Variants in KIF13B observed in about 807,000 individuals in gnomAD.
The protein encoded by KIF13B is kinesin-like protein KIF13B.
In KIF13B, 127 loss-of-function variants were observed where a neutral mutation model predicts 222.0. The observed-to-expected ratio is 0.57, with a 90% CI of 0.50 to 0.66. The LOEUF is 0.66. KIF13B is among the 30% of genes least tolerant of loss of function. The probability of loss-of-function intolerance (pLI) is 0.00; values close to 1 mark genes in which losing one functional copy is unlikely to be tolerated. For synonymous variants in KIF13B, 976 were observed against 919.0 expected (o/e 1.06, Z -1.12); for missense variants, 2,173 against 2,379.0 (o/e 0.91, Z 1.80).
intron 10 of KIF13B, among the ~76,000 whole-genome samples, chr8:29,172,917 GCT>G (rs893663584): frequency 6.7e-6 from 1 of 148,300 alleles, no homozygotes; most frequent in African/African-American, 2.5e-5. Flanking sequence ...GTTTTTTGGT[GCT>G]TTTTTTTTTT....
chr8:29,212,082 T>C (rs980794595), intron 2 of KIF13B, among the ~76,000 whole-genome samples: 3 of 152,220 alleles, frequency 2.0e-5, no homozygotes, highest in African/African-American at 7.2e-5. Context: ...CATTTACCAG[T>C]TGATAGGCAT....
chr8:29,205,328 T>C (rs1191673164), intron 2 of KIF13B, among the ~76,000 whole-genome samples: 2 of 152,214 alleles, frequency 1.3e-5, no homozygotes, highest in African/African-American at 2.4e-5. Context: ...GACTTGGAAA[T>C]GCTAGGCTTA....
intron 36 of KIF13B, among the ~76,000 whole-genome samples, chr8:29,095,628 G>T (rs187736057): frequency 6.6e-6 from 1 of 152,074 alleles, no homozygotes; most frequent in Non-Finnish European, 1.5e-5. Flanking sequence ...TTGGCCAGGC[G>T]TGGTGGCACA....
chr8:29,256,043 C>G (rs1176553969), intron 1 of KIF13B, among the ~76,000 whole-genome samples: 1 of 152,210 alleles, frequency 6.6e-6, no homozygotes, highest in East Asian at 1.9e-4. Context: ...TTCACAATGG[C>G]CTTCTGGATC....
In KIF13B at chr8:29,105,650, G is replaced by GTTTTTTT. The variant is rs869030059; in HGVS notation, c.4215+2482_4215+2488dup. On this transcript the variant is annotated intron_variant, in intron 35 of 39. Coordinates refer to ENST00000524189, the MANE Select transcript of KIF13B (RefSeq NM_015254.4). ...AAGGAAACTGGGCAGAGTTTGTTTG[G>GTTTTTTT]TTTTTTTTTTTTTTTTTTTTTTTTT... Among the ~76,000 whole-genome samples the GTTTTTTT allele has an allele frequency of 1.2e-3, 96 of 78,070 alleles. 23 individuals carry two copies. The highest frequency in any genetic ancestry group is 4.8e-3 in the African/African-American group (86 of 17,928). 51.2% of individuals were successfully genotyped at this position (78,070 alleles called of 152,430 possible).
At chr8:29,195,529 G>A (rs1274616437) in intron 3 of KIF13B, among the ~76,000 whole-genome samples, 1 of 152,028 alleles carries the variant, frequency 6.6e-6, no homozygotes, top group East Asian at 1.9e-4. Flanking sequence ...ATTCAGCCAC[G>A]GACTGTAAAG....
intron 1 of KIF13B, chr8:29,249,997 T>C (rs1816209783): frequency 7.8e-7 from 1 of 1,285,556 alleles, no homozygotes; most frequent in East Asian, 5.6e-5. Flanking sequence ...CTTCACTTCC[T>C]CAGGCCCAGA....
chr8:29,249,580 TG>T (rs1183356968), intron 1 of KIF13B, among the ~76,000 whole-genome samples: 1 of 152,190 alleles, frequency 6.6e-6, no homozygotes, highest in Non-Finnish European at 1.5e-5. Context: ...GAAAGGTAAT[TG>T]TTTTTTTCAC....
At chr8:29,205,817 T>C (rs1350523143) in intron 2 of KIF13B, among the ~76,000 whole-genome samples, 4 of 152,104 alleles carry the variant, frequency 2.6e-5, no homozygotes, top group African/African-American at 9.6e-5. Context: ...GCGTGGTGGC[T>C]CACACCTGTA....
At chr8:29,239,350 C>T (rs1192461636) in intron 2 of KIF13B, among the ~76,000 whole-genome samples, 1 of 152,214 alleles carries the variant, frequency 6.6e-6, no homozygotes, top group African/African-American at 2.4e-5. Flanking sequence ...ATTTTCACTG[C>T]ACACTTCCTT....
chr8:29,167,485 C>A lies in KIF13B; in HGVS notation c.1046G>T (p.Arg349Leu). The change falls in exon 11 of 40, where the codon CGA becomes CTA. Residue 349 changes from arginine to leucine, a missense_variant. By Grantham distance (102) the Arg-to-Leu change is moderately radical (BLOSUM62 -2). Transcript: ENST00000524189. ...ETLSTLRYADRAKHIVNHAVV... is the reference protein window; with the variant it reads ...ETLSTLRYADLAKHIVNHAVV... ...AGCGTGGTTTACAATGTGCTTGGCT[C>A]GATCTGCATACCGCAGAGTTGAGAG... 1 of 1,613,956 alleles carries A rather than the reference C, an allele frequency of 6.2e-7. No homozygotes were observed. Among genetic ancestry groups the A allele is most frequent in the Non-Finnish European group, 8.5e-7 (1 of 1,179,846 alleles).
chr8:29,188,603 T>C lies in KIF13B; in HGVS notation c.228A>G (p.Gln76=), dbSNP rs758134976. ...DESVKEKYAG[Q]DIVFKCLGEN... is the part of the protein sequence containing the mutation. ...CTCCAAGGCACTTGAAAACAATATCTTGACCTGAGAGAGAGAGAATAAGAG... is the reference window on the plus strand; with the variant it reads ...CTCCAAGGCACTTGAAAACAATATCCTGACCTGAGAGAGAGAGAATAAGAG... The change falls in exon 5 of 40, where the codon CAA becomes CAG. Residue 76 remains glutamine, a synonymous_variant. Transcript: ENST00000524189. 2.2e-5 allele frequency: 36 copies of C among 1,601,806 alleles called. No homozygotes were observed. Among genetic ancestry groups the C allele is most frequent in the Non-Finnish European group, 3.0e-5 (35 of 1,170,352 alleles).
Position 29,097,261 on chromosome 8 carries a change from TATAACAATCTTAA to T in KIF13B, c.4324+1859_4324+1871del, listed in dbSNP as rs1808575402. On this transcript the variant is annotated intron_variant, in intron 36 of 39. Transcript: ENST00000524189. ...ATGATAGGCCACTCTATCAGGAAGA[TATAACAATCTTAA>T]ATGTGTTATATCAGGAAGATATAAC... is the stretch of plus-strand genomic sequence containing the variant. Among the ~76,000 whole-genome samples, 4 of 109,834 alleles carry T rather than the reference TATAACAATCTTAA, an allele frequency of 3.6e-5. No individual in the cohort carries two copies. The South Asian group carries it at 1.0e-3, about 28-fold the overall frequency. The allele number at this position is 109,834 out of a possible 152,430, so 72.1% of individuals were successfully genotyped here. A position where few individuals can be genotyped will look rare whatever the true frequency, so the allele number is the denominator to read the frequency against.
At chr8:29,224,804 T>C (rs1295472403) in intron 2 of KIF13B, among the ~76,000 whole-genome samples, 1 of 152,362 alleles carries the variant, frequency 6.6e-6, no homozygotes, top group East Asian at 1.9e-4. Context: ...GTTATTCCTA[T>C]GTGTGGATTA....
intron 13 of KIF13B, among the ~76,000 whole-genome samples, chr8:29,158,187 C>A (rs1309451761): frequency 6.6e-6 from 1 of 152,168 alleles, no homozygotes; most frequent in African/African-American, 2.4e-5. Context: ...TTGGAAAAAG[C>A]CACTGTCATC....
chr8:29,109,741 A>G lies in KIF13B; in HGVS notation c.4083+177T>C, dbSNP rs569367328. 9.4e-3 allele frequency among the ~76,000 whole-genome samples: 1,432 copies of G among 152,350 alleles called. 24 individuals carry two copies. Among genetic ancestry groups the G allele is most frequent in the African/African-American group, 0.033 (1,358 of 41,576 alleles). On this transcript the variant is annotated intron_variant, in intron 33 of 39. Transcript: ENST00000524189. ...TAAACAGACTTTTAAAATTAAATAA[A>G]GGCTGTTACTTTGTAAGACAGAATG...
chr8:29,219,654 G>T (rs1249565685), intron 2 of KIF13B, among the ~76,000 whole-genome samples: 1 of 152,034 alleles, frequency 6.6e-6, no homozygotes, highest in Non-Finnish European at 1.5e-5. Context: ...TCGGGAGGCT[G>T]CGGTGAGAAA....
At chr8:29,183,128 CTTT>C (rs1563767266) in intron 6 of KIF13B, among the ~76,000 whole-genome samples, 1 of 140,086 alleles carries the variant, frequency 7.1e-6, no homozygotes, top group African/African-American at 2.6e-5. Context: ...TACACAAAAT[CTTT>C]TTTAAAATAA....
Position 29,068,803 on chromosome 8 carries a change from G to A in KIF13B, c.*1701C>T, listed in dbSNP as rs1412743824. The A allele has an allele frequency of 1.3e-5, 2 of 152,366 alleles. No homozygotes were observed. The highest frequency in any genetic ancestry group is 2.9e-5 in the Non-Finnish European group (2 of 68,158). 9.4% of individuals were successfully genotyped at this position (152,366 alleles called of 1,614,324 possible). Reference sequence around the variant, plus strand: ...AAAGAAAGCCGCTGTGCTGGGAAGCGGGTTGAGTTAAAGGGCAAGGCAGAG... The same window carrying A: ...AAAGAAAGCCGCTGTGCTGGGAAGCAGGTTGAGTTAAAGGGCAAGGCAGAG... On this transcript the variant is annotated 3_prime_UTR_variant, in exon 40 of 40. Coordinates refer to ENST00000524189, the MANE Select transcript of KIF13B (RefSeq NM_015254.4). The surrounding 1 kb of genome is among the most constrained non-coding windows in gnomAD (Gnocchi z 4.4).
Sources: allele counts gnomAD v4.1 joint callset (sites outside exome capture counted in the v4.1 genomes callset), GRCh38; gene constraint gnomAD v4.1.1; non-coding constraint Gnocchi (gnomAD v3.1); transcripts MANE v1.5; gene names NCBI Gene and HGNC (gene_info 2026-07-23, HGNC 2026-07-21).